The following PTPRT variants were observed in gnomAD, a reference collection of about 807,000 sequenced individuals.
PTPRT encodes protein tyrosine phosphatase receptor type T.
In PTPRT, 56 loss-of-function variants were observed where a neutral mutation model predicts 176.8. That is an observed-to-expected ratio of 0.32 (90% CI 0.26 to 0.40). The LOEUF (loss-of-function observed/expected upper bound fraction) is 0.40. Ranked by LOEUF, PTPRT falls within the 10% of genes least tolerant of loss-of-function variation. The probability of loss-of-function intolerance (pLI) is 1.00; values close to 1 mark genes in which losing one functional copy is unlikely to be tolerated. For synonymous variants in PTPRT, 783 were observed against 739.0 expected (o/e 1.06, Z -0.96); for missense variants, 1,540 against 1,908.2 (o/e 0.81, Z 3.60).
At chr20:42,206,928 C>T (rs2055484615) in intron 15 of PTPRT, among the ~76,000 whole-genome samples, 2 of 152,314 alleles carry the variant, frequency 1.3e-5, no homozygotes, top group South Asian at 4.1e-4. Flanking sequence ...GTTCTGCCAG[C>T]ACGCAGCTGG....
At chr20:42,518,724 T>G (rs754723762) in intron 7 of PTPRT, among the ~76,000 whole-genome samples, 6 of 152,114 alleles carry the variant, frequency 3.9e-5, no homozygotes, top group Non-Finnish European at 7.4e-5. Flanking sequence ...TTTTTGTTCT[T>G]ATGTTAATAA....
chr20:42,569,026 C>T (rs1455140776), intron 7 of PTPRT, among the ~76,000 whole-genome samples: 14 of 108,242 alleles, frequency 1.3e-4, no homozygotes, highest in South Asian at 1.1e-3. Context: ...CCAGCCTGGG[C>T]GACAGAGCAA....
At chr20:42,833,489 G>A (rs1215655391) in intron 2 of PTPRT, among the ~76,000 whole-genome samples, 4 of 151,820 alleles carry the variant, frequency 2.6e-5, no homozygotes, top group Non-Finnish European at 5.9e-5. Context: ...TGAGGCAGGA[G>A]GATGGATTGA....
At chr20:42,634,407 G>C (rs1055933092) in intron 7 of PTPRT, among the ~76,000 whole-genome samples, 28 of 151,364 alleles carry the variant, frequency 1.8e-4, no homozygotes, top group Middle Eastern at 3.4e-3. Flanking sequence ...GATGAAAGCA[G>C]CCCAAATCCC....
chr20:42,543,156 T>G (rs1358819933), intron 7 of PTPRT, among the ~76,000 whole-genome samples: 3 of 152,216 alleles, frequency 2.0e-5, no homozygotes, highest in African/African-American at 7.2e-5. Context: ...CAATGGACTC[T>G]TCCTTTCACA....
chr20:42,475,550 G>A (rs1171526729), intron 7 of PTPRT, among the ~76,000 whole-genome samples: 1 of 152,192 alleles, frequency 6.6e-6, no homozygotes, highest in Non-Finnish European at 1.5e-5. Flanking sequence ...TGAGACCAGG[G>A]AAAGAACATA....
intron 9 of PTPRT, among the ~76,000 whole-genome samples, chr20:42,442,268 T>G (rs1350387130): frequency 6.6e-6 from 1 of 152,262 alleles, no homozygotes; most frequent in Non-Finnish European, 1.5e-5. Flanking sequence ...CTCCTTGTAA[T>G]GCACTCTGAT....
intron 1 of PTPRT, among the ~76,000 whole-genome samples, chr20:43,088,333 G>GGGGTGT (rs1478715742): frequency 2.8e-5 from 4 of 142,758 alleles, no homozygotes; most frequent in African/African-American, 5.2e-5. Context: ...TTTGCTTTGG[G>GGGGTGT]GTGTGTGTGT....
At position 42,538,079 on chromosome 20, in the gene PTPRT, A is replaced by G. The variant is rs139351745; in HGVS notation, c.1154-65517T>C. On this transcript the variant is annotated intron_variant, in intron 7 of 30. Transcript: ENST00000373187. ...ATAATATCCCTATTAAGTAAGTTCT[A>G]TTACAATCTTTATCTTACAGATGTG... Among the ~76,000 whole-genome samples the G allele has an allele frequency of 7.4e-3, 1,133 of 152,206 alleles. 21 individuals carry two copies. The highest frequency in any genetic ancestry group is 0.026 in the African/African-American group (1,092 of 41,540).
intron 15 of PTPRT, among the ~76,000 whole-genome samples, chr20:42,223,784 G>A (rs1323927576): frequency 6.6e-6 from 1 of 152,062 alleles, no homozygotes; most frequent in East Asian, 1.9e-4. Flanking sequence ...AATCAAAATT[G>A]GTATGGGGAA....
intron 6 of PTPRT, among the ~76,000 whole-genome samples, chr20:42,746,799 T>C (rs888128482): frequency 6.6e-6 from 1 of 152,024 alleles, no homozygotes; most frequent in African/African-American, 2.4e-5. Context: ...AGATCAGGCA[T>C]GAGATGAGAG....
rs191561912 is a variant in PTPRT at position 43,019,385 on chromosome 20, T to C, written c.89-133453A>G. On this transcript the variant is annotated intron_variant, in intron 1 of 30. Transcript: ENST00000373187. ...CCAGTAATCCCAGCACTTTGGGAGG[T>C]CAAGGCGGGCAGATCACGAGGTCAG... 7.3e-4 allele frequency among the ~76,000 whole-genome samples: 110 copies of C among 151,708 alleles called. 1 individual carries two copies. In the East Asian group the frequency reaches 0.014, roughly 20 times the overall value.
chr20:42,420,627 G>A lies in PTPRT; in HGVS notation c.1560+27593C>T, dbSNP rs940882806. On this transcript the variant is annotated intron_variant, in intron 9 of 30. Transcript: ENST00000373187. Reference sequence around the variant, plus strand: ...CTTGCTGTCCAGCACATACTCACTTGGTTACTGATGTCTGAGCCACTGATG... The same window carrying A: ...CTTGCTGTCCAGCACATACTCACTTAGTTACTGATGTCTGAGCCACTGATG... Among the ~76,000 whole-genome samples the A allele has an allele frequency of 2.0e-5, 3 of 152,266 alleles. 1 individual carries two copies. Among genetic ancestry groups the A allele is most frequent in the South Asian group, 4.1e-4 (2 of 4,830 alleles).
intron 1 of PTPRT, among the ~76,000 whole-genome samples, chr20:43,073,971 C>T (rs1322387844): frequency 6.6e-6 from 1 of 152,120 alleles, no homozygotes; most frequent in Non-Finnish European, 1.5e-5. Context: ...CCAGGCTGGT[C>T]TCGAACTCCT....
intron 8 of PTPRT, among the ~76,000 whole-genome samples, chr20:42,460,940 TGA>T (rs1222858980): frequency 6.6e-6 from 1 of 152,178 alleles, no homozygotes; most frequent in Non-Finnish European, 1.5e-5. Context: ...CCCAACATTT[TGA>T]GAGGCTGAGG....
intron 2 of PTPRT, among the ~76,000 whole-genome samples, chr20:42,832,909 G>C (rs2078116369): frequency 6.6e-6 from 1 of 150,810 alleles, no homozygotes; most frequent in Non-Finnish European, 1.5e-5. Context: ...TTTGAGATCA[G>C]CCTGGGCAAT....
intron 1 of PTPRT, among the ~76,000 whole-genome samples, chr20:43,112,454 C>A (rs1323645259): frequency 6.6e-6 from 1 of 151,974 alleles, no homozygotes; most frequent in African/African-American, 2.4e-5. Context: ...CCATTCTATT[C>A]TGTTGCATGT....
chr20:42,044,802 C>G, the PTPRT span, among the ~76,000 whole-genome samples: 49 of 152,278 alleles, frequency 3.2e-4, no homozygotes, highest in African/African-American at 1.1e-3. Context: ...GATTACATTA[C>G]AATTCTGGAG....
intron 1 of PTPRT, among the ~76,000 whole-genome samples, chr20:43,056,318 C>A (rs1987230629): frequency 6.6e-6 from 1 of 152,184 alleles, no homozygotes; most frequent in Admixed American, 6.5e-5. Context: ...CACTACCTTG[C>A]AGCTGAGTCC....
Sources: allele counts gnomAD v4.1 joint callset (sites outside exome capture counted in the v4.1 genomes callset), GRCh38; gene constraint gnomAD v4.1.1; transcripts MANE v1.5; gene names NCBI Gene and HGNC (gene_info 2026-07-23, HGNC 2026-07-21).